Variants in SLC39A12 observed in about 807,000 individuals in gnomAD.
SLC39A12 encodes the protein solute carrier family 39 member 12, also known as zinc transporter ZIP12.
A neutral mutation model predicts 71.1 loss-of-function variants in SLC39A12; 63 were observed. The ratio of observed to expected loss-of-function variants is 0.89; its 90% confidence interval spans 0.72 to 1.09. The LOEUF (loss-of-function observed/expected upper bound fraction) is 1.09, where lower values mean the gene tolerates loss of function less well. Ranked by LOEUF, SLC39A12 falls within the 50% of genes least tolerant of loss-of-function variation. The pLI is 0.00. For missense variants in SLC39A12, 892 were observed against 812.6 expected (o/e 1.10, Z -1.19); for synonymous variants, 351 against 301.3 (o/e 1.16, Z -1.71).
chr10:18,036,391 G>A (rs545462960), intron 12 of SLC39A12, among the ~76,000 whole-genome samples: 18 of 152,116 alleles, frequency 1.2e-4, no homozygotes, highest in East Asian at 5.9e-4. Flanking sequence ...CGCAGTATTC[G>A]GGTGGGAGTG....
At chr10:17,977,873 T>G in intron 4 of SLC39A12, 29 bp from the exon 5 acceptor site, 1 of 1,540,298 alleles carries the variant, frequency 6.5e-7, no homozygotes, top group Non-Finnish European at 8.7e-7. Context: ...CTATTCTATG[T>G]GACACCAGAT....
intron 12 of SLC39A12, among the ~76,000 whole-genome samples, chr10:18,038,548 G>A (rs1255573360): frequency 6.6e-6 from 1 of 152,092 alleles, no homozygotes; most frequent in African/African-American, 2.4e-5. Flanking sequence ...TACTTCAGAG[G>A]CTGAGGCAGG....
intron 12 of SLC39A12, among the ~76,000 whole-genome samples, chr10:18,041,494 T>A (rs1837223026): frequency 7.0e-6 from 1 of 141,962 alleles, no homozygotes; most frequent in Admixed American, 7.3e-5. Flanking sequence ...AGACTCTGTC[T>A]CAAAAAAAAA....
intron 12 of SLC39A12, among the ~76,000 whole-genome samples, chr10:18,041,791 GTCTA>G (rs1477379241): frequency 7.8e-6 from 1 of 128,886 alleles, no homozygotes; most frequent in Non-Finnish European, 1.8e-5. Flanking sequence ...ATACATATGT[GTCTA>G]TATGTATATA....
intron 4 of SLC39A12, among the ~76,000 whole-genome samples, chr10:17,967,910 T>G (rs1470075313): frequency 6.8e-6 from 1 of 147,300 alleles, no homozygotes; most frequent in East Asian, 2.0e-4. Flanking sequence ...TATATATATA[T>G]ATATATATTT....
intron 12 of SLC39A12, among the ~76,000 whole-genome samples, chr10:18,034,530 C>A (rs1836941906): frequency 6.6e-6 from 1 of 151,004 alleles, no homozygotes; most frequent in Non-Finnish European, 1.5e-5. Context: ...TTATTTTGAG[C>A]CTATGTGTGT....
intron 4 of SLC39A12, among the ~76,000 whole-genome samples, chr10:17,966,272 T>G (rs1834822549): frequency 6.6e-6 from 1 of 152,194 alleles, no homozygotes; most frequent in South Asian, 2.1e-4. Context: ...TGACTAATTC[T>G]TAACATACTC....
intron 4 of SLC39A12, among the ~76,000 whole-genome samples, chr10:17,976,233 A>C (rs551966014): frequency 6.6e-6 from 1 of 152,226 alleles, no homozygotes; most frequent in South Asian, 2.1e-4. Context: ...GGAGGCTTCT[A>C]TTCTGCCATC....
At chr10:17,960,935 T>G (rs1432966087) in intron 2 of SLC39A12, among the ~76,000 whole-genome samples, 3 of 152,230 alleles carry the variant, frequency 2.0e-5, no homozygotes, top group Non-Finnish European at 4.4e-5. Context: ...CTTTTAGCTG[T>G]TTTTACTTTT....
rs782211583 is a variant in SLC39A12, at chr10:17,953,395, C to T, written c.119C>T (p.Ser40Leu). Residue 40 changes from serine (S) to leucine (L), a missense_variant, in exon 2 of 13, where the codon TCA becomes TTA. Coordinates refer to ENST00000377369, the MANE Select transcript of SLC39A12 (RefSeq NM_001145195.2). ...CAGGATAGCAGAAGCCGTGGGAGTT[C>T]AGGCCAACCGGCAGACCTGCTACAG... ...SAQDSRSRGS[S>L]GQPADLLQVL... 2 of 1,614,050 alleles carry T rather than the reference C, an allele frequency of 1.2e-6. No individual in the cohort carries two copies. The highest frequency in any genetic ancestry group is 1.3e-5 in the African/African-American group (1 of 74,912).
intron 12 of SLC39A12, chr10:18,010,535 A>G (rs1367291941): frequency 2.0e-5 from 3 of 152,180 alleles, no homozygotes; most frequent in Non-Finnish European, 4.4e-5. Context: ...TTACCCACAA[A>G]TTTGAAAGAC....
intron 7 of SLC39A12, among the ~76,000 whole-genome samples, chr10:17,990,456 A>G (rs1253906237): frequency 6.6e-6 from 1 of 152,148 alleles, no homozygotes; most frequent in African/African-American, 2.4e-5. Flanking sequence ...TTTATGAGCT[A>G]CTTCATAAAT....
rs915228178 is a variant in SLC39A12, at chr10:17,991,010, T to C, written c.1270-141T>C. 4.2e-5 allele frequency: 33 copies of C among 778,280 alleles called. No homozygotes were observed. The East Asian group carries it at 1.0e-3, about 25-fold the overall frequency. The allele number at this position is 778,280 out of a possible 1,614,324, so 48.2% of individuals were successfully genotyped here. ...ACCCAAAAGCAAACTGGACTTTTAG[T>C]GATTGTATTAATAGTTGTCACGGCA... On this transcript the variant is annotated intron_variant, in intron 7 of 12. Coordinates refer to ENST00000377369, the MANE Select transcript of SLC39A12 (RefSeq NM_001145195.2).
intron 4 of SLC39A12, among the ~76,000 whole-genome samples, chr10:17,967,745 G>T (rs1488043064): frequency 6.6e-6 from 1 of 151,588 alleles, no homozygotes. Context: ...AAATAAGCCA[G>T]GCGTGATGGC....
chr10:18,011,128 C>A (rs901207818), intron 12 of SLC39A12, among the ~76,000 whole-genome samples: 1 of 151,982 alleles, frequency 6.6e-6, no homozygotes, highest in Middle Eastern at 3.2e-3. Flanking sequence ...CTCACTCTGT[C>A]GCTCAGGCTG....
At chr10:17,979,501 A>G (rs1037416711) in intron 5 of SLC39A12, among the ~76,000 whole-genome samples, 5 of 152,246 alleles carry the variant, frequency 3.3e-5, no homozygotes, top group African/African-American at 1.2e-4. Flanking sequence ...AACTATCATC[A>G]AAAGTTTGTT....
intron 2 of SLC39A12, among the ~76,000 whole-genome samples, chr10:17,956,125 T>C (rs1834541474): frequency 6.6e-6 from 1 of 152,130 alleles, no homozygotes; most frequent in Non-Finnish European, 1.5e-5. Flanking sequence ...GATATATATG[T>C]GCCCCTGAGG....
chr10:17,954,595 T>G (rs954396784), intron 2 of SLC39A12, among the ~76,000 whole-genome samples: 12 of 152,120 alleles, frequency 7.9e-5, no homozygotes, highest in Non-Finnish European at 1.8e-4. Flanking sequence ...TCTAAGAATT[T>G]ATTCATTAGG....
chr10:18,041,822 T>C (rs1205606805), intron 12 of SLC39A12, among the ~76,000 whole-genome samples: 1 of 139,974 alleles, frequency 7.1e-6, no homozygotes, highest in Non-Finnish European at 1.6e-5. Context: ...TATACGTATA[T>C]GTATGTACAT....
Sources: gnomAD v4.1 joint callset for allele counts (sites outside exome capture counted in the v4.1 genomes callset) on GRCh38, gnomAD v4.1.1 for gene constraint, MANE v1.5 for transcripts, NCBI Gene and HGNC (gene_info 2026-07-23, HGNC 2026-07-21) for gene names.